TCERG1L: variants seen among roughly 807,000 people sequenced by gnomAD.
The protein encoded by TCERG1L is transcription elongation regulator 1-like protein.
TCERG1L carries 37 observed loss-of-function variants against 56.3 expected under a neutral mutation model. That is an observed-to-expected ratio of 0.66 (90% CI 0.51 to 0.87). The LOEUF is 0.87. TCERG1L is among the 40% of genes least tolerant of loss of function. TCERG1L has a pLI of 0.00. For missense variants in TCERG1L, 799 were observed against 774.2 expected (o/e 1.03, Z -0.38); for synonymous variants, 324 against 326.3 (o/e 0.99, Z 0.08).
chr10:131,299,721 C>A (rs1409111321), intron 3 of TCERG1L, among the ~76,000 whole-genome samples: 1 of 151,958 alleles, frequency 6.6e-6, no homozygotes, highest in African/African-American at 2.4e-5. Flanking sequence ...ATACTTATAT[C>A]TTCAAAAGGT....
chr10:131,124,849 G>C (rs770844043), intron 8 of TCERG1L, among the ~76,000 whole-genome samples: 1 of 152,204 alleles, frequency 6.6e-6, no homozygotes, highest in African/African-American at 2.4e-5. Context: ...CTGTGTTCTC[G>C]AGCAAGTCTC....
chr10:131,101,911 AGGCT>A (rs138823423), intron 10 of TCERG1L, among the ~76,000 whole-genome samples: 15,551 of 152,166 alleles, frequency 0.1, 870 homozygotes, highest in East Asian at 0.19. Context: ...CATGTTGTCC[AGGCT>A]GGTCTGGAAC....
chr10:131,153,069 A>G (rs1033022165), intron 6 of TCERG1L, among the ~76,000 whole-genome samples: 1 of 152,174 alleles, frequency 6.6e-6, no homozygotes, highest in Admixed American at 6.5e-5. Context: ...GAGTCTGGGC[A>G]GGTGAATTCA....
chr10:131,119,624 G>A (rs1037094370), intron 8 of TCERG1L, among the ~76,000 whole-genome samples: 8 of 152,220 alleles, frequency 5.3e-5, no homozygotes, highest in South Asian at 2.1e-4. Context: ...GCTGCCGCAC[G>A]CCTTCCAAAT....
intron 4 of TCERG1L, among the ~76,000 whole-genome samples, chr10:131,229,694 A>C (rs113080453): frequency 0.019 from 2,955 of 152,144 alleles, 64 homozygotes; most frequent in Non-Finnish European, 0.032. Context: ...TTACCTCCTA[A>C]ATATTTAGAA....
intron 4 of TCERG1L, among the ~76,000 whole-genome samples, chr10:131,170,100 A>G (rs1192264820): frequency 2.0e-5 from 3 of 152,046 alleles, no homozygotes; most frequent in Admixed American, 6.5e-5. Context: ...GCCTTGCCCT[A>G]AATAGTTTTC....
chr10:131,185,950 G>A (rs779032445), intron 4 of TCERG1L, among the ~76,000 whole-genome samples: 13 of 152,300 alleles, frequency 8.5e-5, no homozygotes, highest in Non-Finnish European at 1.6e-4. Context: ...AAATGTGGAC[G>A]TAATGTACAT....
In TCERG1L at chr10:131,104,255, A is replaced by G; in HGVS notation, c.1485+10T>C. ...GTCTCTGCAGTCAAAGTGCCTTCCC[A>G]CCCAGTTACCTGCTTTCGTTCCTCA... On this transcript the variant is annotated intron_variant, in intron 10 of 11. Coordinates refer to ENST00000368642, the MANE Select transcript of TCERG1L (RefSeq NM_174937.4). The G allele has an allele frequency of 6.5e-7, 1 of 1,542,546 alleles. No individual in the cohort carries two copies. The highest frequency in any genetic ancestry group is 8.8e-7 in the Non-Finnish European group (1 of 1,139,100).
At chr10:131,249,354 T>C (rs1846079892) in intron 4 of TCERG1L, among the ~76,000 whole-genome samples, 1 of 152,164 alleles carries the variant, frequency 6.6e-6, no homozygotes, top group Non-Finnish European at 1.5e-5. Context: ...TCCATGGCCC[T>C]GGCAGTGGCT....
At chr10:131,253,375 G>A (rs1042259388) in intron 4 of TCERG1L, among the ~76,000 whole-genome samples, 5 of 150,864 alleles carry the variant, frequency 3.3e-5, no homozygotes, top group African/African-American at 1.2e-4. Context: ...AGTGGCCTTC[G>A]ACCCTGCCCC....
chr10:131,155,688 T>G (rs778849786), intron 6 of TCERG1L, among the ~76,000 whole-genome samples: 1 of 152,126 alleles, frequency 6.6e-6, no homozygotes, highest in Non-Finnish European at 1.5e-5. Flanking sequence ...GGCAGGGGGC[T>G]GACAGCACGT....
rs1344693373 is a variant in TCERG1L at position 131,260,663 on chromosome 10, C to T, written c.671-219G>A. Among the ~76,000 whole-genome samples the T allele has an allele frequency of 2.0e-5, 3 of 152,170 alleles. No homozygotes were observed. Among genetic ancestry groups the T allele is most frequent in the African/African-American group, 7.2e-5 (3 of 41,448 alleles). On this transcript the variant is annotated intron_variant, in intron 3 of 11. Coordinates refer to ENST00000368642, the MANE Select transcript of TCERG1L (RefSeq NM_174937.4). The surrounding 1 kb of genome is among the most constrained non-coding windows in gnomAD (Gnocchi z 5.8). ...CGCTGCCATGCAACCAGTGCACACACAGAGCCGTGTGATGCCCAGTGAGCT... is the reference window on the plus strand; with the variant it reads ...CGCTGCCATGCAACCAGTGCACACATAGAGCCGTGTGATGCCCAGTGAGCT...
chr10:131,207,806 C>T (rs1031619493), intron 4 of TCERG1L, among the ~76,000 whole-genome samples: 3 of 152,102 alleles, frequency 2.0e-5, no homozygotes, highest in Non-Finnish European at 2.9e-5. Flanking sequence ...CTTGAAATAC[C>T]GAGCGGGTGG....
intron 11 of TCERG1L, among the ~76,000 whole-genome samples, chr10:131,096,177 G>A (rs1318614151): frequency 1.3e-5 from 2 of 152,192 alleles, no homozygotes; most frequent in Non-Finnish European, 2.9e-5. Context: ...GCACAGGAAG[G>A]TCCAATACTT....
intron 4 of TCERG1L, among the ~76,000 whole-genome samples, chr10:131,195,742 A>G (rs1396614481): frequency 6.6e-6 from 1 of 151,672 alleles, no homozygotes; most frequent in East Asian, 1.9e-4. Flanking sequence ...ACACCCTTTT[A>G]TCTTCTGGGG....
chr10:131,231,870 G>A (rs890253570), intron 4 of TCERG1L, among the ~76,000 whole-genome samples: 1 of 152,204 alleles, frequency 6.6e-6, no homozygotes, highest in Non-Finnish European at 1.5e-5. Flanking sequence ...CTGGTGGAGA[G>A]GGGAGAGCAG....
At chr10:131,121,186 C>T (rs764073854) in intron 8 of TCERG1L, among the ~76,000 whole-genome samples, 28 of 152,154 alleles carry the variant, frequency 1.8e-4, no homozygotes, top group African/African-American at 4.8e-4. Flanking sequence ...GTTGAGATGG[C>T]GTCACTCTGC....
chr10:131,135,233 TG>T, intron 7 of TCERG1L, among the ~76,000 whole-genome samples: 1 of 152,222 alleles, frequency 6.6e-6, no homozygotes, highest in Non-Finnish European at 1.5e-5. Flanking sequence ...CCGCCCAGCT[TG>T]GGTGGCCAAC....
At chr10:131,144,428 T>G (rs1344777814) in intron 7 of TCERG1L, among the ~76,000 whole-genome samples, 3 of 152,140 alleles carry the variant, frequency 2.0e-5, no homozygotes, top group Non-Finnish European at 4.4e-5. Context: ...GATCACGAAT[T>G]AACCCTCTAG....
Sources: gnomAD v4.1 joint callset for allele counts (sites outside exome capture counted in the v4.1 genomes callset) on GRCh38, gnomAD v4.1.1 for gene constraint, Gnocchi (gnomAD v3.1) non-coding constraint, MANE v1.5 for transcripts, NCBI Gene and HGNC (gene_info 2026-07-23, HGNC 2026-07-21) for gene names.